Variants in HK1 observed in about 807,000 individuals in gnomAD.
HK1 encodes the protein hexokinase 1.
HK1 carries 28 observed loss-of-function variants against 91.6 expected under a neutral mutation model. The ratio of observed to expected loss-of-function variants is 0.31; its 90% CI spans 0.23 to 0.42. HK1 has a LOEUF of 0.42. Among genes scored for constraint, HK1 ranks in the 10% least tolerant of loss-of-function variants. The probability of loss-of-function intolerance (pLI) is 1.00; values close to 1 mark genes in which losing one functional copy is unlikely to be tolerated. For missense variants in HK1, 770 were observed against 1,219.8 expected, an observed-to-expected ratio of 0.63 and a Z score of 5.49; for synonymous variants, 430 against 468.1, an observed-to-expected ratio of 0.92 and a Z score of 1.05.
At chr10:69,270,788 A>G (rs1844117330) in intron 1 of HK1, among the ~76,000 whole-genome samples, 1 of 152,078 alleles carries the variant, frequency 6.6e-6, no homozygotes, top group Non-Finnish European at 1.5e-5. Flanking sequence ...TCTTTCTCCC[A>G]TTAGCTGGAA....
chr10:69,314,608 G>C (rs1197978044), upstream of HK1, among the ~76,000 whole-genome samples: 1 of 151,968 alleles, frequency 6.6e-6, no homozygotes, highest in Admixed American at 6.6e-5. Context: ...TATAATCCCA[G>C]CATTTTTTTC....
intron 13 of HK1, among the ~76,000 whole-genome samples, chr10:69,387,842 T>C (rs1839715250): frequency 1.3e-5 from 2 of 151,796 alleles, no homozygotes; most frequent in South Asian, 4.2e-4. Context: ...AACTCATTAA[T>C]TAATGAGGGA....
chr10:69,378,465 C>A (rs180752382), intron 8 of HK1, among the ~76,000 whole-genome samples: 65 of 151,900 alleles, frequency 4.3e-4, no homozygotes, highest in African/African-American at 1.5e-3. Context: ...AAAGAAAAGA[C>A]GAGAGATAAA....
At chr10:69,394,492 A>T (rs1266802303) in intron 15 of HK1, among the ~76,000 whole-genome samples, 1 of 151,848 alleles carries the variant, frequency 6.6e-6, no homozygotes, top group Non-Finnish European at 1.5e-5. Flanking sequence ...TGCCCTGGGG[A>T]CTCAGAGCTG....
intron 2 of HK1, among the ~76,000 whole-genome samples, chr10:69,349,434 C>T (rs1277951668): frequency 6.6e-6 from 1 of 152,146 alleles, no homozygotes; most frequent in Non-Finnish European, 1.5e-5. Context: ...TAATAACTGG[C>T]TTTGGAAGAA....
intron 3 of HK1, among the ~76,000 whole-genome samples, chr10:69,361,826 CTTTTT>C (rs1026023031): frequency 6.6e-6 from 1 of 151,710 alleles, no homozygotes; most frequent in African/African-American, 2.4e-5. Flanking sequence ...TTTTTTTCTT[CTTTTT>C]TTTAAGACGG....
At chr10:69,341,761 T>A (rs1848302016) in intron 1 of HK1, among the ~76,000 whole-genome samples, 2 of 152,138 alleles carry the variant, frequency 1.3e-5, no homozygotes, top group Admixed American at 1.3e-4. Context: ...TGGCCTCTTC[T>A]GGCAATTTCT....
At chr10:69,317,272 A>G (rs1272552825), upstream of HK1, among the ~76,000 whole-genome samples, 1 of 152,044 alleles carries the variant, frequency 6.6e-6, no homozygotes, top group Non-Finnish European at 1.5e-5. Flanking sequence ...AATCAAGGGG[A>G]GGTGAGGTGG....
intron 16 of HK1, among the ~76,000 whole-genome samples, chr10:69,398,040 G>A (rs140762228): frequency 2.0e-5 from 3 of 152,226 alleles, no homozygotes; most frequent in Admixed American, 6.5e-5. Flanking sequence ...GCAAAAGCTC[G>A]TTGACCCAGA....
chr10:69,287,184 GA>G (rs1845072092), intron 2 of HK1, among the ~76,000 whole-genome samples: 1 of 152,228 alleles, frequency 6.6e-6, no homozygotes, highest in Non-Finnish European at 1.5e-5. Flanking sequence ...AGCATGGCTA[GA>G]GAGGCCTCAG....
At chr10:69,343,719 G>T in intron 1 of HK1, 108 bp from the exon 2 acceptor site, 1 of 828,218 alleles carries the variant, frequency 1.2e-6, no homozygotes, top group Non-Finnish European at 2.1e-6. Context: ...ATGTGCCAGC[G>T]TGCGTGTTCC....
intron 13 of HK1, among the ~76,000 whole-genome samples, chr10:69,387,126 T>G (rs1839674980): frequency 6.6e-6 from 1 of 152,138 alleles, no homozygotes; most frequent in Non-Finnish European, 1.5e-5. Flanking sequence ...TCCGGGACCA[T>G]GATGGATTTA....
intron 1 of HK1, among the ~76,000 whole-genome samples, chr10:69,343,589 T>C (rs1191032685): frequency 2.0e-5 from 3 of 152,144 alleles, no homozygotes; most frequent in African/African-American, 7.2e-5. Context: ...TATTTGAGGG[T>C]TGGAAAGGAT....
chr10:69,292,469 A>G (rs1845339033), intron 3 of HK1: 1 of 310,978 alleles, frequency 3.2e-6, no homozygotes, highest in South Asian at 2.5e-5. Flanking sequence ...TGATTCTTAC[A>G]GGGACTACCT....
intron 7 of HK1, among the ~76,000 whole-genome samples, chr10:69,375,071 C>T: frequency 6.6e-6 from 1 of 152,190 alleles, no homozygotes; most frequent in East Asian, 1.9e-4. Context: ...ACTTGTTAGC[C>T]CTGTCCATGG....
intron 1 of HK1, among the ~76,000 whole-genome samples, chr10:69,340,722 G>A (rs116899600): frequency 0.028 from 4,330 of 152,140 alleles, 82 homozygotes; most frequent in South Asian, 0.069. Context: ...ATGATCTTGC[G>A]CTTGCTCCTC....
chr10:69,379,314 T>G (rs75868757), intron 8 of HK1, among the ~76,000 whole-genome samples: 2 of 152,244 alleles, frequency 1.3e-5, no homozygotes, highest in Non-Finnish European at 2.9e-5. Flanking sequence ...TATGTATATG[T>G]GTTTGTGTGT....
chr10:69,373,024 C>T (rs1726374984), intron 7 of HK1, among the ~76,000 whole-genome samples: 1 of 152,144 alleles, frequency 6.6e-6, no homozygotes, highest in African/African-American at 2.4e-5. Context: ...CGTCTGCTGC[C>T]ACGCCCAGCT....
intron 1 of HK1, among the ~76,000 whole-genome samples, chr10:69,324,796 A>T (rs1224776910): frequency 1.3e-5 from 2 of 152,164 alleles, no homozygotes; most frequent in Non-Finnish European, 2.9e-5. Context: ...TGTTTGGAGT[A>T]GCAGGACAGG....
Sources: gnomAD v4.1 joint callset for allele counts (sites outside exome capture counted in the v4.1 genomes callset) on GRCh38, gnomAD v4.1.1 for gene constraint, MANE v1.5 for transcripts, NCBI Gene and HGNC (gene_info 2026-07-23, HGNC 2026-07-21) for gene names.